Variants in CCDC171 observed in about 807,000 individuals in gnomAD.
The protein encoded by CCDC171 is coiled-coil domain containing 171, also known as coiled-coil domain-containing protein 171.
A neutral mutation model predicts 168.2 loss-of-function variants in CCDC171; 177 were observed. That is an observed-to-expected ratio of 1.05 (90% CI 0.93 to 1.19). The LOEUF is 1.19. CCDC171 is among the 50% of genes most tolerant of loss of function. The probability of loss-of-function intolerance (pLI) is 0.00; values close to 1 mark genes in which losing one functional copy is unlikely to be tolerated. For synonymous variants in CCDC171, 687 were observed against 540.8 expected (o/e 1.27, Z -3.75); for missense variants, 1,991 against 1,539.0 (o/e 1.29, Z -4.91).
At chr9:15,746,108 G>A (rs1478311688) in intron 18 of CCDC171, among the ~76,000 whole-genome samples, 1 of 152,144 alleles carries the variant, frequency 6.6e-6, no homozygotes, top group Non-Finnish European at 1.5e-5. Flanking sequence ...TCCACCTGGT[G>A]TGGAACCACC....
At position 15,817,399 on chromosome 9, in the gene CCDC171, T is replaced by A. The variant is rs1339031032; in HGVS notation, c.3268-29303T>A. Among the ~76,000 whole-genome samples the A allele has an allele frequency of 2.5e-5, 3 of 117,930 alleles. 1 individual carries two copies. The highest frequency in any genetic ancestry group is 5.7e-5 in the Non-Finnish European group (3 of 52,342). 77.4% of individuals were successfully genotyped at this position (117,930 alleles called of 152,430 possible). ...CATGAGCCGAAGCAGGGCGAGGCAT[T>A]GCGTCACCCGGGAAGCACAAGGGGT... On this transcript the variant is annotated intron_variant, in intron 21 of 25. Coordinates refer to ENST00000380701, the MANE Select transcript of CCDC171 (RefSeq NM_173550.4).
At chr9:15,718,406 T>C (rs1041933872) in intron 11 of CCDC171, among the ~76,000 whole-genome samples, 3 of 152,218 alleles carry the variant, frequency 2.0e-5, no homozygotes, top group African/African-American at 7.2e-5. Flanking sequence ...GAGCTTGCCA[T>C]CTTGAGGAGA....
Position 15,578,914 on chromosome 9 carries a change from A to G in CCDC171, c.243A>G (p.Arg81=), listed in dbSNP as rs1159820288. 4.3e-6 allele frequency: 7 copies of G among 1,613,880 alleles called. No individual in the cohort carries two copies. The highest frequency in any genetic ancestry group is 5.9e-6 in the Non-Finnish European group (7 of 1,179,932). The change falls in exon 4 of 26, where the codon CGA becomes CGG. Residue 81 remains arginine, a synonymous_variant. Transcript: ENST00000380701. ...AGGTTGAAAAGGGAGAAGCATTGCG[A>G]CAAAGTCTGGAATATGACCTAGCTG... ...RSEVEKGEAL[R]QSLEYDLAVA...
intron 23 of CCDC171, among the ~76,000 whole-genome samples, chr9:15,870,868 T>C (rs1207780431): frequency 6.6e-6 from 1 of 150,978 alleles, no homozygotes; most frequent in African/African-American, 2.4e-5. Context: ...ATCAGAGAAA[T>C]AGGAATAGTA....
intron 2 of CCDC171, among the ~76,000 whole-genome samples, chr9:15,570,624 C>T (rs114506233): frequency 6.6e-6 from 1 of 152,122 alleles, no homozygotes; most frequent in African/African-American, 2.4e-5. Flanking sequence ...TATGGTTAAG[C>T]TGTTTTTCTA....
intron 11 of CCDC171, among the ~76,000 whole-genome samples, chr9:15,715,048 T>C (rs1226129269): frequency 6.6e-6 from 1 of 152,232 alleles, no homozygotes; most frequent in East Asian, 1.9e-4. Flanking sequence ...TTGCACTAAA[T>C]TCAGGGAACC....
intron 9 of CCDC171, among the ~76,000 whole-genome samples, chr9:15,668,561 A>G (rs2048891266): frequency 6.6e-6 from 1 of 152,166 alleles, no homozygotes; most frequent in African/African-American, 2.4e-5. Flanking sequence ...TACAAGTTAA[A>G]TAATAATAAA....
intron 7 of CCDC171, among the ~76,000 whole-genome samples, chr9:15,626,510 G>A (rs539123155): frequency 6.2e-4 from 94 of 152,300 alleles, no homozygotes; most frequent in African/African-American, 2.2e-3. Flanking sequence ...TTTATTGAGA[G>A]TTTTTAGCAT....
At chr9:16,056,991 A>G (rs1279610904) in intron 1 of CCDC171, among the ~76,000 whole-genome samples, 1 of 152,192 alleles carries the variant, frequency 6.6e-6, no homozygotes, top group East Asian at 1.9e-4. Flanking sequence ...TAAATTGCTT[A>G]TTTTCTAGCA....
At chr9:15,687,258 T>C (rs1298542258) in intron 10 of CCDC171, among the ~76,000 whole-genome samples, 1 of 152,074 alleles carries the variant, frequency 6.6e-6, no homozygotes, top group African/African-American at 2.4e-5. Flanking sequence ...CAGCTAACAC[T>C]ATGCTTAAGA....
intron 25 of CCDC171, among the ~76,000 whole-genome samples, chr9:15,922,996 C>T (rs1455765102): frequency 1.3e-5 from 2 of 151,588 alleles, no homozygotes; most frequent in Non-Finnish European, 3.0e-5. Flanking sequence ...AATATTTTCT[C>T]CCATCCTGTA....
At chr9:15,747,004 A>G (rs1193293444) in intron 18 of CCDC171, among the ~76,000 whole-genome samples, 1 of 152,190 alleles carries the variant, frequency 6.6e-6, no homozygotes, top group African/African-American at 2.4e-5. Flanking sequence ...GCTAAAATCC[A>G]TTGGCTTGAA....
At chr9:15,615,075 A>G (rs1313215786) in intron 6 of CCDC171, among the ~76,000 whole-genome samples, 1 of 152,214 alleles carries the variant, frequency 6.6e-6, no homozygotes, top group Non-Finnish European at 1.5e-5. Flanking sequence ...AGAAGAAAAG[A>G]TAATTATAGC....
At chr9:15,756,215 C>A (rs1186982678) in intron 18 of CCDC171, among the ~76,000 whole-genome samples, 3 of 151,918 alleles carry the variant, frequency 2.0e-5, no homozygotes, top group Admixed American at 6.6e-5. Context: ...AAGCAAATAT[C>A]ATTTATTACC....
Position 15,820,099 on chromosome 9 carries a change from A to G in CCDC171, c.3268-26603A>G, listed in dbSNP as rs1352092402. Among the ~76,000 whole-genome samples the G allele has an allele frequency of 3.4e-5, 4 of 118,192 alleles. 1 individual carries two copies. The highest frequency in any genetic ancestry group is 1.3e-4 in the African/African-American group (4 of 31,384). 77.5% of individuals were successfully genotyped at this position (118,192 alleles called of 152,430 possible). On this transcript the variant is annotated intron_variant, in intron 21 of 25. Coordinates refer to ENST00000380701, the MANE Select transcript of CCDC171 (RefSeq NM_173550.4). ...CTGCTCCTGAATGACTACTGGGTAC[A>G]TAACAAAATGAAGGCAGAAATAAAG...
intron 8 of CCDC171, among the ~76,000 whole-genome samples, chr9:15,657,654 A>C (rs1328617474): frequency 6.6e-6 from 1 of 152,198 alleles, no homozygotes; most frequent in Admixed American, 6.5e-5. Context: ...TAAGAGCTGA[A>C]GGTGTAAAGA....
intron 25 of CCDC171, among the ~76,000 whole-genome samples, chr9:15,952,314 A>G (rs915946562): frequency 6.6e-6 from 1 of 152,194 alleles, no homozygotes; most frequent in Non-Finnish European, 1.5e-5. Flanking sequence ...AGGATGAATG[A>G]GTCCTCCAAC....
chr9:16,094,618 T>C, the CCDC171 span, among the ~76,000 whole-genome samples: 1 of 152,314 alleles, frequency 6.6e-6, no homozygotes, highest in Non-Finnish European at 1.5e-5. Flanking sequence ...GGGATGTATA[T>C]GGAAATGAGT....
chr9:15,732,333 T>A (rs891715076), intron 16 of CCDC171, among the ~76,000 whole-genome samples: 1 of 152,144 alleles, frequency 6.6e-6, no homozygotes, highest in African/African-American at 2.4e-5. Flanking sequence ...AAGTTTGTGA[T>A]CCCTCTCAAA....
Sources: gnomAD v4.1 joint callset for allele counts (sites outside exome capture counted in the v4.1 genomes callset) on GRCh38, gnomAD v4.1.1 for gene constraint, MANE v1.5 for transcripts, NCBI Gene and HGNC (gene_info 2026-07-23, HGNC 2026-07-21) for gene names.